The following ARHGEF10 variants were observed in gnomAD, a reference collection of about 807,000 sequenced individuals.
ARHGEF10 encodes the protein Rho guanine nucleotide exchange factor (GEF) 10.
In ARHGEF10, 140 loss-of-function variants were observed where a neutral mutation model predicts 147.4. The observed-to-expected ratio is 0.95, with a 90% CI of 0.83 to 1.09. ARHGEF10 has a LOEUF of 1.09. Among genes scored for constraint, ARHGEF10 ranks in the 50% least tolerant of loss-of-function variants. The pLI is 0.00. For missense variants in ARHGEF10, 2,222 were observed against 1,752.7 expected, an observed-to-expected ratio of 1.27 and a Z score of -4.78; for synonymous variants, 902 against 695.8, an observed-to-expected ratio of 1.30 and a Z score of -4.67.
At chr8:1,857,902 C>G in intron 2 of ARHGEF10, 58 bp from the exon 3 acceptor site, 1 of 1,243,242 alleles carries the variant, frequency 8.0e-7, no homozygotes, top group Non-Finnish European at 1.2e-6. Flanking sequence ...ATCTATCTAT[C>G]TATCTATCTA....
At chr8:1,839,122 G>C (rs955262195) in intron 1 of ARHGEF10, among the ~76,000 whole-genome samples, 1 of 151,750 alleles carries the variant, frequency 6.6e-6, no homozygotes, top group Admixed American at 6.6e-5. Context: ...TGTGGGGACT[G>C]TCTGGTGTGG....
chr8:1,947,651 C>T (rs1472776524), intron 27 of ARHGEF10, among the ~76,000 whole-genome samples: 4 of 140,966 alleles, frequency 2.8e-5, no homozygotes, highest in Non-Finnish European at 4.6e-5. Flanking sequence ...ACTGTCAGCA[C>T]CCAACCCTGC....
chr8:1,868,488 C>G (rs150343772), intron 6 of ARHGEF10, among the ~76,000 whole-genome samples: 32 of 152,350 alleles, frequency 2.1e-4, no homozygotes, highest in African/African-American at 7.7e-4. Context: ...GAGTAAACCT[C>G]AGGCTCATTG....
rs1204549293 is a variant in ARHGEF10, at chr8:1,857,887, T to G, written c.38-73T>G. 224 of 920,594 alleles carry G rather than the reference T, an allele frequency of 2.4e-4. No individual in the cohort carries two copies. The African/African-American group carries it at 3.0e-3, about 12-fold the overall frequency. The allele number at this position is 920,594 out of a possible 1,614,324, so 57.0% of individuals were successfully genotyped here. A position where few individuals can be genotyped will look rare whatever the true frequency, so the allele number is the denominator to read the frequency against. On this transcript the variant is annotated intron_variant, in intron 2 of 28. Transcript: ENST00000349830. Reference sequence around the variant, plus strand: ...GCTAACATAGATCGATCGATCTATCTATCTATCTATCTATCTATCTATCTA... The same window carrying G: ...GCTAACATAGATCGATCGATCTATCGATCTATCTATCTATCTATCTATCTA...
intron 1 of ARHGEF10, among the ~76,000 whole-genome samples, chr8:1,840,988 A>G (rs947251593): frequency 6.6e-6 from 1 of 152,192 alleles, no homozygotes; most frequent in Non-Finnish European, 1.5e-5. Context: ...GACTCCCCAC[A>G]TATTCCAGGT....
chr8:1,953,111 G>A (rs1250436834), intron 28 of ARHGEF10, among the ~76,000 whole-genome samples: 1 of 152,250 alleles, frequency 6.6e-6, no homozygotes, highest in Non-Finnish European at 1.5e-5. Flanking sequence ...ATATTGTGGA[G>A]AAGGAAGCCG....
intron 5 of ARHGEF10, among the ~76,000 whole-genome samples, chr8:1,865,272 C>T (rs536470644): frequency 6.6e-6 from 1 of 152,242 alleles, no homozygotes; most frequent in South Asian, 2.1e-4. Flanking sequence ...ACCCCAGCAC[C>T]CATGAGGCCA....
intron 2 of ARHGEF10, among the ~76,000 whole-genome samples, chr8:1,847,153 C>T (rs766205666): frequency 3.3e-5 from 5 of 152,180 alleles, no homozygotes; most frequent in Middle Eastern, 3.2e-3. Flanking sequence ...GCCTGTGCAC[C>T]AGGAAAGATT....
intron 1 of ARHGEF10, among the ~76,000 whole-genome samples, chr8:1,832,689 C>CAG (rs140894018): frequency 0.25 from 9,088 of 35,658 alleles, 2,660 homozygotes; most frequent in Middle Eastern, 0.56. Flanking sequence ...GAGACAGAGA[C>CAG]AGAGAGACAG....
intron 17 of ARHGEF10, 131 bp from the exon 18 acceptor site, chr8:1,909,164 C>G (rs533385932): frequency 1.6e-6 from 2 of 1,288,318 alleles, no homozygotes; most frequent in East Asian, 4.6e-5. Flanking sequence ...AGCACAATTA[C>G]TATTGTGAGA....
chr8:1,916,727 T>A (rs1378260514), intron 18 of ARHGEF10, among the ~76,000 whole-genome samples: 1 of 152,226 alleles, frequency 6.6e-6, no homozygotes, highest in Non-Finnish European at 1.5e-5. Flanking sequence ...GTGCCTCTTA[T>A]CAGACTAGGG....
At chr8:1,903,221 CTGT>C in intron 15 of ARHGEF10, 57 bp from the exon 16 acceptor site, 1 of 1,596,738 alleles carries the variant, frequency 6.3e-7, no homozygotes, top group Non-Finnish European at 8.6e-7. Flanking sequence ...GGTGACGCGA[CTGT>C]TGTTGCACTG....
rs114212826 is a variant in ARHGEF10 at position 1,908,826 on chromosome 8, A to T, written c.1968-469A>T. ...CGGTTCAATTTCCGTATACTTGATA[A>T]ATATTTTAGTCATGGAGTGTAATGG... On this transcript the variant is annotated intron_variant, in intron 17 of 28. Coordinates refer to ENST00000349830, the MANE Select transcript of ARHGEF10 (RefSeq NM_014629.4). 8.0e-3 allele frequency among the ~76,000 whole-genome samples: 1,216 copies of T among 152,310 alleles called. 19 individuals are homozygous for T. Among genetic ancestry groups the T allele is most frequent in the African/African-American group, 0.028 (1,158 of 41,564 alleles).
At chr8:1,853,699 C>T (rs775712070) in intron 2 of ARHGEF10, among the ~76,000 whole-genome samples, 3 of 152,190 alleles carry the variant, frequency 2.0e-5, no homozygotes, top group Non-Finnish European at 4.4e-5. Context: ...TGCGGGGGAG[C>T]CTCCTGGGTT....
chr8:1,880,609 C>A (rs767971497), intron 9 of ARHGEF10, among the ~76,000 whole-genome samples: 9 of 152,228 alleles, frequency 5.9e-5, no homozygotes, highest in African/African-American at 2.2e-4. Flanking sequence ...AATATTGATA[C>A]ATAAAACCCT....
At chr8:1,878,030 G>C (rs1325936533) in intron 8 of ARHGEF10, among the ~76,000 whole-genome samples, 1 of 152,038 alleles carries the variant, frequency 6.6e-6, no homozygotes, top group Non-Finnish European at 1.5e-5. Context: ...CATATTCTGT[G>C]AACCTGGCTC....
intron 2 of ARHGEF10, among the ~76,000 whole-genome samples, chr8:1,857,065 G>A (rs1317189825): frequency 6.6e-6 from 1 of 152,220 alleles, no homozygotes; most frequent in Admixed American, 6.5e-5. Flanking sequence ...CCTGTGACTC[G>A]CCTCCTGCAA....
At chr8:1,874,231 G>T (rs756110676) in intron 7 of ARHGEF10, among the ~76,000 whole-genome samples, 1 of 152,176 alleles carries the variant, frequency 6.6e-6, no homozygotes, top group Non-Finnish European at 1.5e-5. Context: ...CAGCAATTGC[G>T]TTTCTAAAAC....
At chr8:1,917,058 T>C (rs566565516) in intron 18 of ARHGEF10, among the ~76,000 whole-genome samples, 1 of 152,384 alleles carries the variant, frequency 6.6e-6, no homozygotes, top group South Asian at 2.1e-4. Context: ...ACTGAGTTTA[T>C]TGCATACTGC....
Sources: allele counts gnomAD v4.1 joint callset (sites outside exome capture counted in the v4.1 genomes callset), GRCh38; gene constraint gnomAD v4.1.1; transcripts MANE v1.5; gene names NCBI Gene and HGNC (gene_info 2026-07-23, HGNC 2026-07-21).